The following CRACR2A variants were observed in gnomAD, a reference collection of about 807,000 sequenced individuals.
CRACR2A encodes the protein EF-hand calcium-binding domain-containing protein 4B.
In CRACR2A, 79 loss-of-function variants were observed where a neutral mutation model predicts 90.5. That is an observed-to-expected ratio of 0.87 (90% CI 0.73 to 1.05). CRACR2A has a LOEUF of 1.05. CRACR2A is among the 50% of genes least tolerant of loss of function. CRACR2A has a pLI of 0.00. For missense variants in CRACR2A, 823 were observed against 897.2 expected, an observed-to-expected ratio of 0.92 and a Z score of 1.06; for synonymous variants, 338 against 356.7, an observed-to-expected ratio of 0.95 and a Z score of 0.59.
At chr12:3,622,424 CCCTCTAACAGAGAG>C (rs1944165619) in intron 17 of CRACR2A, among the ~76,000 whole-genome samples, 1 of 152,214 alleles carries the variant, frequency 6.6e-6, no homozygotes, top group East Asian at 1.9e-4. Flanking sequence ...TGTTCTATGA[CCCTCTAACAGAGAG>C]CCTTCCCTCC....
At chr12:3,619,525 A>C (rs1867771752) in intron 17 of CRACR2A, among the ~76,000 whole-genome samples, 153 bp from the exon 18 acceptor site, 1 of 152,214 alleles carries the variant, frequency 6.6e-6, no homozygotes, top group Non-Finnish European at 1.5e-5. Flanking sequence ...TGAAAGCAGA[A>C]AACAGCCGCC....
chr12:3,707,862 C>G (rs139073465), intron 3 of CRACR2A, among the ~76,000 whole-genome samples: 9 of 152,242 alleles, frequency 5.9e-5, no homozygotes, highest in Admixed American at 3.3e-4. Context: ...ACCAGATCTC[C>G]TTTTGTTTTG....
intron 1 of CRACR2A, among the ~76,000 whole-genome samples, chr12:3,747,877 CA>C (rs1469771457): frequency 1.3e-5 from 2 of 151,900 alleles, no homozygotes; most frequent in Non-Finnish European, 2.9e-5. Flanking sequence ...TCCACAGGCT[CA>C]GGGGTGCACC....
chr12:3,727,800 A>G (rs1022220674), intron 2 of CRACR2A: 1 of 152,172 alleles, frequency 6.6e-6, no homozygotes, highest in South Asian at 2.1e-4. Flanking sequence ...TATTTGGGTG[A>G]TGGGTTAATT....
intron 6 of CRACR2A, among the ~76,000 whole-genome samples, chr12:3,674,217 C>T (rs1945302673): frequency 6.6e-6 from 1 of 152,144 alleles, no homozygotes; most frequent in East Asian, 1.9e-4. Flanking sequence ...ATGCAGCACC[C>T]CACTGTGGCC....
rs1465157235 is a variant in CRACR2A, at chr12:3,633,532, C to T, written c.1735+72G>A. 4 of 1,541,002 alleles carry T rather than the reference C, an allele frequency of 2.6e-6. No individual in the cohort carries two copies. Among genetic ancestry groups the T allele is most frequent in the East Asian group, 2.5e-5 (1 of 40,780 alleles). On this transcript the variant is annotated intron_variant, in intron 15 of 19. Transcript: ENST00000440314. The surrounding 1 kb of genome is among the most constrained non-coding windows in gnomAD (Gnocchi z 4.5). ...TCCCATGGGCTTCTAACGCTCCCTG[C>T]CCCGGGCCCCCTTCTCACAAACTCC...
chr12:3,634,170 G>A (rs1361507822), intron 14 of CRACR2A, among the ~76,000 whole-genome samples: 2 of 152,154 alleles, frequency 1.3e-5, no homozygotes, highest in Non-Finnish European at 2.9e-5. Flanking sequence ...GCGTTTGCAC[G>A]GAGAAGGAGA....
chr12:3,689,516 C>A (rs1945618009), intron 4 of CRACR2A, among the ~76,000 whole-genome samples: 1 of 152,184 alleles, frequency 6.6e-6, no homozygotes, highest in Admixed American at 6.5e-5. Context: ...GTATGTTGAA[C>A]CAACCTTGCA....
intron 7 of CRACR2A, among the ~76,000 whole-genome samples, chr12:3,669,517 A>T (rs528517714): frequency 7.0e-6 from 1 of 143,794 alleles, no homozygotes; most frequent in East Asian, 2.4e-4. Context: ...TCAAATCCGA[A>T]ATTTCTTCAA....
At chr12:3,748,037 C>T (rs982917828) in intron 1 of CRACR2A, among the ~76,000 whole-genome samples, 1 of 149,116 alleles carries the variant, frequency 6.7e-6, no homozygotes, top group African/African-American at 2.6e-5. Context: ...CTCAGGGGTG[C>T]ACCCAGAAGG....
chr12:3,684,231 T>A (rs1339259593), intron 4 of CRACR2A, among the ~76,000 whole-genome samples: 2 of 152,182 alleles, frequency 1.3e-5, no homozygotes, highest in African/African-American at 4.8e-5. Context: ...CAGACCCCCA[T>A]TCCAGCACCA....
At chr12:3,703,237 C>T (rs368388333) in intron 3 of CRACR2A, among the ~76,000 whole-genome samples, 13 of 152,202 alleles carry the variant, frequency 8.5e-5, no homozygotes, top group Admixed American at 2.0e-4. Context: ...TACAGGCGCC[C>T]GCCACCACGC....
chr12:3,677,472 G>A (rs1347989123), intron 6 of CRACR2A, among the ~76,000 whole-genome samples: 1 of 152,208 alleles, frequency 6.6e-6, no homozygotes, highest in Non-Finnish European at 1.5e-5. Flanking sequence ...GTCACGTCTG[G>A]TGGACTCTAA....
chr12:3,716,556 C>T (rs571199809), intron 2 of CRACR2A, among the ~76,000 whole-genome samples: 2 of 152,202 alleles, frequency 1.3e-5, no homozygotes, highest in Non-Finnish European at 2.9e-5. Flanking sequence ...TTAGTTAGGG[C>T]ACAAACAAGA....
intron 3 of CRACR2A, among the ~76,000 whole-genome samples, chr12:3,710,674 T>C (rs1260618493): frequency 6.6e-6 from 1 of 151,702 alleles, no homozygotes. Flanking sequence ...GTGCCTGTAA[T>C]CCCAGCTACT....
In CRACR2A at chr12:3,648,556, C is replaced by A. The variant is rs374054088; in HGVS notation, c.1104G>T (p.Gln368His). Residue 368 changes from glutamine (Q) to histidine (H), a missense_variant, in exon 11 of 20, where the codon CAG becomes CAT. Transcript: ENST00000440314. ...CACCGACGCACCTTAGGAAATCCAG[C>A]TGCTTGAGGAGCCCGGCCTTCTCAC... is the stretch of plus-strand genomic sequence containing the variant. ...LQREKAGLLKQLDFLRERNKH... is the reference protein window; with the variant it reads ...LQREKAGLLKHLDFLRERNKH... The A allele has an allele frequency of 1.2e-6, 2 of 1,614,094 alleles. No individual in the cohort carries two copies. The highest frequency in any genetic ancestry group is 2.7e-5 in the African/African-American group (2 of 74,948).
At chr12:3,700,886 C>T (rs984071342) in intron 3 of CRACR2A, among the ~76,000 whole-genome samples, 2 of 152,170 alleles carry the variant, frequency 1.3e-5, no homozygotes, top group Non-Finnish European at 1.5e-5. Flanking sequence ...TAGAACACTC[C>T]ACCCAATGAC....
intron 1 of CRACR2A, among the ~76,000 whole-genome samples, chr12:3,742,680 T>C (rs1331364000): frequency 6.6e-6 from 1 of 152,236 alleles, no homozygotes; most frequent in Non-Finnish European, 1.5e-5. Flanking sequence ...TCCATAAGAA[T>C]GACCCTCAGA....
At chr12:3,645,309 G>C (rs1301638103) in intron 11 of CRACR2A, among the ~76,000 whole-genome samples, 1 of 152,198 alleles carries the variant, frequency 6.6e-6, no homozygotes, top group Non-Finnish European at 1.5e-5. Flanking sequence ...CAGAGGAGAG[G>C]CTAGGGCAAA....
Sources: gnomAD v4.1 joint callset for allele counts (sites outside exome capture counted in the v4.1 genomes callset) on GRCh38, gnomAD v4.1.1 for gene constraint, Gnocchi (gnomAD v3.1) non-coding constraint, MANE v1.5 for transcripts, NCBI Gene and HGNC (gene_info 2026-07-23, HGNC 2026-07-21) for gene names.